DEGS1: variants seen among roughly 807,000 people sequenced by gnomAD.
DEGS1 encodes delta 4-desaturase, sphingolipid 1.
DEGS1 carries 17 observed loss-of-function variants against 24.1 expected under a neutral mutation model. The observed-to-expected ratio is 0.70, with a 90% CI of 0.48 to 1.06. The LOEUF (loss-of-function observed/expected upper bound fraction) is 1.06. Among genes scored for constraint, DEGS1 ranks in the 50% least tolerant of loss-of-function variants. DEGS1 has a pLI of 0.00. For missense variants in DEGS1, 366 were observed against 408.9 expected (o/e 0.90, Z 0.91); for synonymous variants, 134 against 140.0 (o/e 0.96, Z 0.30).
intron 1 of DEGS1, chr1:224,183,656 AGGCGCAGGC>A (rs1391782470): frequency 3.1e-6 from 1 of 322,046 alleles, no homozygotes; most frequent in African/African-American, 2.2e-5. Context: ...TTCCGCGAAG[AGGCGCAGGC>A]GCGTCCCCGA....
At chr1:224,184,009 C>A (rs115338990) in intron 1 of DEGS1, among the ~76,000 whole-genome samples, 1 of 152,228 alleles carries the variant, frequency 6.6e-6, no homozygotes, top group Non-Finnish European at 1.5e-5. Flanking sequence ...TCCATATGCC[C>A]CCCGGGGCTT....
Position 224,186,140 on chromosome 1 carries a change from CA to C in DEGS1, c.82+2735del, listed in dbSNP as rs755807761. Among the ~76,000 whole-genome samples the C allele has an allele frequency of 1.1e-3, 159 of 143,484 alleles. 1 individual carries two copies. Among genetic ancestry groups the C allele is most frequent in the East Asian group, 2.6e-3 (13 of 5,022 alleles). The allele number at this position is 143,484 out of a possible 152,430, so 94.1% of individuals were successfully genotyped here. On this transcript the variant is annotated intron_variant, in intron 1 of 2. Coordinates refer to ENST00000323699, the MANE Select transcript of DEGS1 (RefSeq NM_003676.4). Reference sequence around the variant, plus strand: ...CAACATGGCAAAACCCCATCTCTACCAAAAAAAAAAAAATTTAATTAGCGGG... The same window carrying C: ...CAACATGGCAAAACCCCATCTCTACCAAAAAAAAAAAATTTAATTAGCGGG...
rs1658508773 is a variant in DEGS1 at position 224,190,441 on chromosome 1, T to G, written c.825+122T>G. Reference sequence around the variant, plus strand: ...GGCACGATCTCGGCTCACTGTAACCTCCACCTCCCGGGTTCAAACGATTCT... The same window carrying G: ...GGCACGATCTCGGCTCACTGTAACCGCCACCTCCCGGGTTCAAACGATTCT... On this transcript the variant is annotated intron_variant, in intron 2 of 2. Coordinates refer to ENST00000323699, the MANE Select transcript of DEGS1 (RefSeq NM_003676.4). 3.7e-6 allele frequency: 3 copies of G among 819,090 alleles called. No individual in the cohort carries two copies. In the Admixed American group the frequency reaches 1.1e-4, roughly 30 times the overall value. The allele number at this position is 819,090 out of a possible 1,614,324, so 50.7% of individuals were successfully genotyped here.
At chr1:224,184,730 T>G (rs1365891181) in intron 1 of DEGS1, among the ~76,000 whole-genome samples, 2 of 152,046 alleles carry the variant, frequency 1.3e-5, no homozygotes, top group African/African-American at 4.8e-5. Flanking sequence ...TGGCCAGGCT[T>G]ATCTCGAACT....
At chr1:224,190,869 C>T (rs1473661761) in intron 2 of DEGS1, among the ~76,000 whole-genome samples, 2 of 151,870 alleles carry the variant, frequency 1.3e-5, no homozygotes, top group African/African-American at 4.8e-5. Flanking sequence ...ATTATAGGCA[C>T]GTGCCACCAT....
At position 224,183,259 on chromosome 1, in the gene DEGS1, C is replaced by T. The variant is rs890891930; in HGVS notation, c.-78C>T. The T allele has an allele frequency of 3.2e-5, 38 of 1,189,192 alleles. No homozygotes were observed. The East Asian group carries it at 1.2e-3, about 37-fold the overall frequency. The allele number at this position is 1,189,192 out of a possible 1,614,324, so 73.7% of individuals were successfully genotyped here. A position where few individuals can be genotyped will look rare whatever the true frequency, so the allele number is the denominator to read the frequency against. ...GCCGACACCACACCAGCCGGGGAGC[C>T]GCCGCCGCCGCCGCCACCTCTGAGC... On this transcript the variant is annotated 5_prime_UTR_variant, in exon 1 of 3. Transcript: ENST00000323699.
chr1:224,191,410 A>T (rs1572044501), intron 2 of DEGS1, among the ~76,000 whole-genome samples: 2 of 148,548 alleles, frequency 1.3e-5, no homozygotes, highest in Non-Finnish European at 3.0e-5. Context: ...AAAGAGAGAG[A>T]TGGGTTTCCC....
In DEGS1 at chr1:224,192,377, A is replaced by T. The variant is rs746100068; in HGVS notation, c.871A>T (p.Asn291Tyr). The T allele has an allele frequency of 1.2e-6, 2 of 1,613,758 alleles. No homozygotes were observed. Among genetic ancestry groups the T allele is most frequent in the Non-Finnish European group, 1.7e-6 (2 of 1,179,868 alleles). ...ATACTATGACAACCTCCCTCACTAC[A>T]ATTCCTGGATAAAAGTACTGTATGA... ...AEYYDNLPHY[N>Y]SWIKVLYDFV... Residue 291 changes from asparagine to tyrosine, a missense_variant, in exon 3 of 3, where the codon AAT (asparagine) becomes TAT (tyrosine). Coordinates refer to ENST00000323699, the MANE Select transcript of DEGS1 (RefSeq NM_003676.4).
intron 2 of DEGS1, among the ~76,000 whole-genome samples, chr1:224,191,989 A>G (rs1026127737): frequency 1.3e-5 from 2 of 152,128 alleles, no homozygotes; most frequent in African/African-American, 4.8e-5. Flanking sequence ...TTTATATTCT[A>G]TGGCGTCATC....
intron 1 of DEGS1, among the ~76,000 whole-genome samples, chr1:224,184,031 T>G (rs557206684): frequency 5.3e-5 from 8 of 152,232 alleles, no homozygotes; most frequent in Non-Finnish European, 1.2e-4. Flanking sequence ...TCGGACTTGA[T>G]GGGCCCTGGT....
At position 224,189,735 on chromosome 1, in the gene DEGS1, A is replaced by G. The variant is rs1323619855; in HGVS notation, c.241A>G (p.Asn81Asp). ...GGCCTATGCGTTTGGCAGTTGCATT[A>G]ACCACTCAATGACTCTGGCTATTCA... ...FGAYAFGSCI[N>D]HSMTLAIHEI... The change falls in exon 2 of 3, where the codon AAC becomes GAC. Residue 81 changes from asparagine (N) to aspartate (D), a missense_variant. By Grantham distance (23) the Asn-to-Asp change is conservative. Coordinates refer to ENST00000323699, the MANE Select transcript of DEGS1 (RefSeq NM_003676.4). The G allele has an allele frequency of 3.7e-6, 6 of 1,614,190 alleles. No individual in the cohort carries two copies. In the Admixed American group the frequency reaches 5.0e-5, roughly 13 times the overall value.
intron 2 of DEGS1, 70 bp downstream of exon 2, chr1:224,190,389 A>G: frequency 7.3e-7 from 1 of 1,375,766 alleles, no homozygotes; most frequent in Non-Finnish European, 9.5e-7. Flanking sequence ...ACGGTGTCTC[A>G]CTCAGTCGCC....
In DEGS1 at chr1:224,190,123, T is replaced by G. The variant is rs531572983; in HGVS notation, c.629T>G (p.Val210Gly). Residue 210 changes from valine to glycine, a missense_variant, in exon 2 of 3, where the codon GTC becomes GGC. Transcript: ENST00000323699. ...IYYFLGIKSL[V>G]YMLAASLLGL... ...TACTTTTTGGGAATTAAATCCTTAG[T>G]CTACATGTTGGCAGCATCTTTACTT... is the stretch of plus-strand genomic sequence containing the variant. 15 of 1,611,652 alleles carry G rather than the reference T, an allele frequency of 9.3e-6. 1 individual carries two copies. The South Asian group carries it at 1.5e-4, about 17-fold the overall frequency.
intron 2 of DEGS1, among the ~76,000 whole-genome samples, chr1:224,191,752 G>A (rs1316158618): frequency 6.6e-6 from 1 of 151,784 alleles, no homozygotes; most frequent in African/African-American, 2.4e-5. Context: ...ACGCCACCAT[G>A]TCTGGCTAAT....
At chr1:224,192,206 A>G (rs1658555341) in intron 2 of DEGS1, 126 bp from the exon 3 acceptor site, 1 of 659,124 alleles carries the variant, frequency 1.5e-6, no homozygotes, top group Admixed American at 3.9e-5. Context: ...TTTTTTTTTT[A>G]AGAGAGAGGA....
intron 1 of DEGS1, among the ~76,000 whole-genome samples, chr1:224,186,898 G>A (rs1658409753): frequency 6.6e-6 from 1 of 152,080 alleles, no homozygotes; most frequent in African/African-American, 2.4e-5. Flanking sequence ...CTTTCTGAAA[G>A]TATTGACTTT....
Position 224,189,991 on chromosome 1 carries a change from A to G in DEGS1, c.497A>G (p.Gln166Arg), listed in dbSNP as rs1308025810. 2 of 1,614,226 alleles carry G rather than the reference A, an allele frequency of 1.2e-6. No individual in the cohort carries two copies. Among genetic ancestry groups the G allele is most frequent in the Non-Finnish European group, 1.7e-6 (2 of 1,180,046 alleles). ...AGAAAGTTTATATGGGTTATTCTTC[A>G]GCCTCTCTTTTATGCCTTTCGACCT... The part of the protein sequence containing the change: ...AFRKFIWVIL[Q>R]PLFYAFRPLF... The change falls in exon 2 of 3, where the codon CAG (glutamine) becomes CGG (arginine). Residue 166 changes from glutamine (Q) to arginine (R), a missense_variant. Physicochemically the swap from Gln to Arg is conservative, Grantham distance 43. Transcript: ENST00000323699.
In DEGS1 at chr1:224,183,381, C is replaced by T. The variant is rs199893861; in HGVS notation, c.45C>T (p.Thr15=). ...VSREDFEWVY[T]DQPHADRRRE... is the part of the protein sequence containing the mutation. ...GGGAAGACTTCGAGTGGGTCTACACCGACCAGCCGCACGCCGACCGGCGCC... is the reference window on the plus strand; with the variant it reads ...GGGAAGACTTCGAGTGGGTCTACACTGACCAGCCGCACGCCGACCGGCGCC... The change falls in exon 1 of 3, where the codon ACC becomes ACT. Residue 15 remains threonine, a synonymous_variant. Transcript: ENST00000323699. The T allele has an allele frequency of 6.2e-6, 9 of 1,444,688 alleles. No individual in the cohort carries two copies. The highest frequency in any genetic ancestry group is 8.3e-6 in the Non-Finnish European group (9 of 1,090,560). The allele number at this position is 1,444,688 out of a possible 1,614,324, so 89.5% of individuals were successfully genotyped here.
rs971422115 is a variant in DEGS1, at chr1:224,192,552, G to A, written c.*74G>A. The stretch of plus-strand genomic sequence containing the variant: ...ATGGAATTTTTGCATTATTAAACTT[G>A]AGACCAGTGATGCTCAGAAGCTCCC... On this transcript the variant is annotated 3_prime_UTR_variant, in exon 3 of 3. Coordinates refer to ENST00000323699, the MANE Select transcript of DEGS1 (RefSeq NM_003676.4). The A allele has an allele frequency of 1.1e-5, 16 of 1,433,914 alleles. No individual in the cohort carries two copies. Among genetic ancestry groups the A allele is most frequent in the Middle Eastern group, 3.9e-4 (2 of 5,162 alleles). 88.8% of individuals were successfully genotyped at this position (1,433,914 alleles called of 1,614,324 possible).
Sources: gnomAD v4.1 joint callset for allele counts (sites outside exome capture counted in the v4.1 genomes callset) on GRCh38, gnomAD v4.1.1 for gene constraint, MANE v1.5 for transcripts, NCBI Gene and HGNC (gene_info 2026-07-23, HGNC 2026-07-21) for gene names.